The following ECE1 variants were observed in gnomAD, a reference collection of about 807,000 sequenced individuals.
The protein encoded by ECE1 is endothelin-converting enzyme 1.
Under a neutral mutation model 98.6 loss-of-function variants are expected in ECE1, and 35 were observed. The observed-to-expected ratio is 0.35, with a 90% confidence interval of 0.27 to 0.47. The LOEUF is 0.47. Ranked by LOEUF, ECE1 falls within the 20% of genes least tolerant of loss-of-function variation. The probability of loss-of-function intolerance (pLI) is 1.00; values close to 1 mark genes in which losing one functional copy is unlikely to be tolerated. For missense variants in ECE1, 814 were observed against 1,025.3 expected (o/e 0.79, Z 2.81); for synonymous variants, 394 against 407.1 (o/e 0.97, Z 0.39).
intron 11 of ECE1, 100 bp downstream of exon 11, chr1:21,238,034 G>T: frequency 9.3e-7 from 1 of 1,080,034 alleles, no homozygotes; most frequent in Admixed American, 1.8e-5. Context: ...CTGCCCAGGA[G>T]CAGGAAAGGC....
At chr1:21,236,640 A>C (rs1308187869) in intron 12 of ECE1, 106 bp downstream of exon 12, 3 of 1,133,104 alleles carry the variant, frequency 2.6e-6, no homozygotes, top group Non-Finnish European at 2.7e-6. Flanking sequence ...CAAGAACGAA[A>C]CTCTGCCTCA....
chr1:21,261,294 GC>G (rs751608403), intron 4 of ECE1, among the ~76,000 whole-genome samples: 5 of 152,076 alleles, frequency 3.3e-5, no homozygotes, highest in Non-Finnish European at 7.3e-5. Context: ...TGGCCCTGAA[GC>G]CCCTTCCTTT....
intron 4 of ECE1, among the ~76,000 whole-genome samples, chr1:21,265,185 G>C (rs549885054): frequency 1.0e-3 from 155 of 152,340 alleles, no homozygotes; most frequent in Non-Finnish European, 1.7e-3. Context: ...TAATTGGTGA[G>C]TGAATAAAGG....
In ECE1 at chr1:21,258,542, G is replaced by A; in HGVS notation, c.762+151C>T. Reference sequence around the variant, plus strand: ...CCAGCAGCCTGCAAAGATCTCACCAGTGGGGCCTCTGGAAATAACCCAGGC... The same window carrying A: ...CCAGCAGCCTGCAAAGATCTCACCAATGGGGCCTCTGGAAATAACCCAGGC... On this transcript the variant is annotated intron_variant, in intron 6 of 18. Transcript: ENST00000374893. This position sits in a 1 kb window ranked among gnomAD's most constrained non-coding sequence, Gnocchi z 4.2. 7.9e-7 allele frequency: 1 copy of A among 1,270,720 alleles called. No individual in the cohort carries two copies. The highest frequency in any genetic ancestry group is 1.1e-6 in the Non-Finnish European group (1 of 904,526). The allele number at this position is 1,270,720 out of a possible 1,614,324, so 78.7% of individuals were successfully genotyped here.
intron 4 of ECE1, among the ~76,000 whole-genome samples, chr1:21,263,396 C>T (rs1205815373): frequency 2.0e-5 from 3 of 149,674 alleles, no homozygotes; most frequent in African/African-American, 7.5e-5. Context: ...CTCGCTCTGT[C>T]ACTAGGCTGG....
chr1:21,250,091 T>A (rs1262289792), intron 8 of ECE1, among the ~76,000 whole-genome samples: 7 of 152,056 alleles, frequency 4.6e-5, no homozygotes, highest in Admixed American at 6.6e-5. Flanking sequence ...ACAGATTTCA[T>A]CTTGCAAATG....
At chr1:21,250,952 A>T (rs1028432760) in intron 8 of ECE1, among the ~76,000 whole-genome samples, 1 of 150,048 alleles carries the variant, frequency 6.7e-6, no homozygotes, top group African/African-American at 2.4e-5. Context: ...GCTTGCAGTG[A>T]GCGGGGATCG....
Position 21,225,174 on chromosome 1 carries a change from T to G in ECE1, c.2040+76A>C. On this transcript the variant is annotated intron_variant, in intron 17 of 18. Coordinates refer to ENST00000374893, the MANE Select transcript of ECE1 (RefSeq NM_001397.3). This position sits in a 1 kb window ranked among gnomAD's most constrained non-coding sequence, Gnocchi z 5.3. ...CTGCTGCGCCTGCCCTGGTTGTCCG[T>G]GATGATCCTCTACGGACAGGCATCT... 1 of 1,570,678 alleles carries G rather than the reference T, an allele frequency of 6.4e-7. No homozygotes were observed. The highest frequency in any genetic ancestry group is 8.7e-7 in the Non-Finnish European group (1 of 1,150,496).
chr1:21,275,393 G>C lies in ECE1; in HGVS notation c.281-2482C>G, dbSNP rs575180010. Among the ~76,000 whole-genome samples, 14 of 152,270 alleles carry C rather than the reference G, an allele frequency of 9.2e-5. No individual in the cohort carries two copies. The South Asian group carries it at 2.9e-3, about 32-fold the overall frequency. ...GCGGATCACCTGAGGTCAGGAGTTC[G>C]AGACCAGCCTGGCCAACATGGTGAA... On this transcript the variant is annotated intron_variant, in intron 3 of 18. Transcript: ENST00000374893.
intron 1 of ECE1, among the ~76,000 whole-genome samples, chr1:21,338,778 T>C (rs1176908437): frequency 1.3e-5 from 2 of 152,136 alleles, no homozygotes; most frequent in Admixed American, 1.3e-4. Context: ...GAGCGGGCCA[T>C]GTGCAGCTGG....
intron 1 of ECE1, among the ~76,000 whole-genome samples, chr1:21,329,215 A>G (rs1370649250): frequency 6.6e-6 from 1 of 152,172 alleles, no homozygotes; most frequent in East Asian, 1.9e-4. Context: ...CTGAGTTAGA[A>G]CCTCTAGGAT....
At chr1:21,321,437 T>C (rs1159131326) in intron 1 of ECE1, among the ~76,000 whole-genome samples, 1 of 152,066 alleles carries the variant, frequency 6.6e-6, no homozygotes, top group African/African-American at 2.4e-5. Flanking sequence ...TGGAAGAGGG[T>C]CTGTTGGGGA....
intron 1 of ECE1, among the ~76,000 whole-genome samples, chr1:21,317,962 G>A (rs957065052): frequency 6.6e-6 from 1 of 152,216 alleles, no homozygotes; most frequent in Admixed American, 6.5e-5. Flanking sequence ...CAGAGCCACC[G>A]CGATCTCTTT....
At chr1:21,239,203 T>G (rs2098192582) in intron 10 of ECE1, among the ~76,000 whole-genome samples, 1 of 152,114 alleles carries the variant, frequency 6.6e-6, no homozygotes, top group East Asian at 1.9e-4. Context: ...ATACAACCCC[T>G]CTGTGCAAAC....
Position 21,233,333 on chromosome 1 carries a change from A to T in ECE1, c.1670+225T>A. 1 of 499,270 alleles carries T rather than the reference A, an allele frequency of 2.0e-6. No individual in the cohort carries two copies. Among genetic ancestry groups the T allele is most frequent in the Non-Finnish European group, 3.7e-6 (1 of 273,674 alleles). 30.9% of individuals were successfully genotyped at this position (499,270 alleles called of 1,614,324 possible). A position where few individuals can be genotyped will look rare whatever the true frequency, so the allele number is the denominator to read the frequency against. ...CAGAGGCCAGGCTCACCCTGCCAAC[A>T]GGCTGGGCAGGCTCAAGCCCATCCC... On this transcript the variant is annotated intron_variant, in intron 14 of 18. Coordinates refer to ENST00000374893, the MANE Select transcript of ECE1 (RefSeq NM_001397.3). The surrounding 1 kb of genome is among the most constrained non-coding windows in gnomAD (Gnocchi z 4.0).
upstream of ECE1, among the ~76,000 whole-genome samples, chr1:21,291,337 T>A (rs1366828534): frequency 6.6e-6 from 1 of 152,222 alleles, no homozygotes; most frequent in Non-Finnish European, 1.5e-5. Flanking sequence ...ACTTTTCAGC[T>A]TTGCAAAGTG....
intron 4 of ECE1, among the ~76,000 whole-genome samples, chr1:21,263,899 A>C (rs893671153): frequency 6.6e-6 from 1 of 152,120 alleles, no homozygotes; most frequent in Admixed American, 6.6e-5. Flanking sequence ...CTCCTCACTC[A>C]GGGAGCACCT....
Position 21,290,354 on chromosome 1 carries a change from C to T in ECE1, c.51+10G>A. The T allele has an allele frequency of 8.1e-7, 1 of 1,231,540 alleles. No homozygotes were observed. Among genetic ancestry groups the T allele is most frequent in the Non-Finnish European group, 1.0e-6 (1 of 990,420 alleles). The allele number at this position is 1,231,540 out of a possible 1,614,324, so 76.3% of individuals were successfully genotyped here. A position where few individuals can be genotyped will look rare whatever the true frequency, so the allele number is the denominator to read the frequency against. On this transcript the variant is annotated intron_variant, in intron 1 of 18. Transcript: ENST00000374893. The surrounding 1 kb of genome is among the most constrained non-coding windows in gnomAD (Gnocchi z 7.3). ...TCCCGCCCCCGCCCTCCAGGCCGCG[C>T]CCGCCTCACCCCCAGCGCCGACAGC...
At position 21,307,720 on chromosome 1, in the gene ECE1, G is replaced by A. The variant is rs1638629824; in HGVS notation, c.4-17564C>T. ...AGACCAGACCTGTTGTGGCGGCCAG[G>A]CTGTACCCACGCAGGGCCACTGCTC... On this transcript the variant is annotated intron_variant, in intron 1 of 18. Transcript: ENST00000415912. The surrounding 1 kb of genome is among the most constrained non-coding windows in gnomAD (Gnocchi z 4.2). Among the ~76,000 whole-genome samples, 1 of 152,146 alleles carries A rather than the reference G, an allele frequency of 6.6e-6. No individual in the cohort carries two copies. The highest frequency in any genetic ancestry group is 1.5e-5 in the Non-Finnish European group (1 of 68,022).
Sources: gnomAD v4.1 joint callset for allele counts (sites outside exome capture counted in the v4.1 genomes callset) on GRCh38, gnomAD v4.1.1 for gene constraint, Gnocchi (gnomAD v3.1) non-coding constraint, MANE v1.5 for transcripts, NCBI Gene and HGNC (gene_info 2026-07-23, HGNC 2026-07-21) for gene names.